The following VSTM2B variants were observed in gnomAD, a reference collection of about 807,000 sequenced individuals.
The protein encoded by VSTM2B is V-set and transmembrane domain-containing protein 2B.
A neutral mutation model predicts 24.0 loss-of-function variants in VSTM2B; 24 were observed. The ratio of observed to expected loss-of-function variants is 1.00; its 90% CI spans 0.72 to 1.40. The LOEUF is 1.40. Ranked by LOEUF, VSTM2B falls within the 40% of genes most tolerant of loss-of-function variation. VSTM2B has a pLI of 0.00. For synonymous variants in VSTM2B, 226 were observed against 194.4 expected, an observed-to-expected ratio of 1.16 and a Z score of -1.35; for missense variants, 399 against 416.4, an observed-to-expected ratio of 0.96 and a Z score of 0.36.
chr19:29,560,962 A>T, intron 4 of VSTM2B, among the ~76,000 whole-genome samples: 1 of 152,102 alleles, frequency 6.6e-6, no homozygotes, highest in East Asian at 1.9e-4. Context: ...CCTCATGCAG[A>T]TTATTTCTGT....
At chr19:29,561,377 A>C (rs879301120) in intron 4 of VSTM2B, among the ~76,000 whole-genome samples, 2 of 152,122 alleles carry the variant, frequency 1.3e-5, no homozygotes, top group African/African-American at 4.8e-5. Context: ...TAATCCCAGC[A>C]CTTTGGGAGG....
chr19:29,546,077 A>G (rs1970148275), intron 4 of VSTM2B, among the ~76,000 whole-genome samples: 1 of 152,082 alleles, frequency 6.6e-6, no homozygotes, highest in Non-Finnish European at 1.5e-5. Context: ...GGCAGGAAGT[A>G]GATAGATTCA....
chr19:29,528,283 C>G, intron 2 of VSTM2B, 150 bp from the exon 3 acceptor site: 1 of 934,856 alleles, frequency 1.1e-6, no homozygotes, highest in Non-Finnish European at 1.6e-6. Context: ...CTTGGAAAGC[C>G]GGACGTCCTT....
intron 4 of VSTM2B, among the ~76,000 whole-genome samples, chr19:29,531,422 G>A (rs898238539): frequency 2.6e-5 from 4 of 152,204 alleles, no homozygotes; most frequent in African/African-American, 9.6e-5. Context: ...TGGTCTTCCT[G>A]CAGGCTCCTG....
chr19:29,552,003 G>A (rs564601327), intron 4 of VSTM2B, among the ~76,000 whole-genome samples: 1 of 152,186 alleles, frequency 6.6e-6, no homozygotes, highest in Non-Finnish European at 1.5e-5. Flanking sequence ...CTGTCATTCT[G>A]GAAAGCAATG....
intron 4 of VSTM2B, among the ~76,000 whole-genome samples, chr19:29,539,235 A>G (rs1385499019): frequency 6.6e-6 from 1 of 152,168 alleles, no homozygotes; most frequent in Non-Finnish European, 1.5e-5. Context: ...CTGTGCTAAC[A>G]GGGCTCCTGG....
intron 4 of VSTM2B, among the ~76,000 whole-genome samples, chr19:29,544,180 T>C (rs1970089473): frequency 6.6e-6 from 1 of 151,592 alleles, no homozygotes; most frequent in Non-Finnish European, 1.5e-5. Context: ...AATATACAAA[T>C]AGTTTTCATA....
intron 4 of VSTM2B, among the ~76,000 whole-genome samples, chr19:29,555,069 T>A (rs960552613): frequency 3.3e-5 from 5 of 152,142 alleles, no homozygotes; most frequent in African/African-American, 9.7e-5. Flanking sequence ...ACCTGATACA[T>A]AGCTACAGAA....
Position 29,527,244 on chromosome 19 carries a change from T to C in VSTM2B, c.116T>C (p.Val39Ala). ...ACAGAAGTCCCCAAAGATGTGACAG[T>C]ACGGGAGGGAGACGACATCGAAATG... ...AFTEVPKDVT[V>A]REGDDIEMPC... is the part of the protein sequence containing the mutation. Residue 39 changes from valine (V) to alanine (A), a missense_variant, in exon 2 of 5, where the codon GTA becomes GCA. Physicochemically the swap from Val to Ala is moderately conservative, Grantham distance 64. Coordinates refer to ENST00000335523, the MANE Select transcript of VSTM2B (RefSeq NM_001146339.2). 1 of 1,549,810 alleles carries C rather than the reference T, an allele frequency of 6.5e-7. No homozygotes were observed. Among genetic ancestry groups the C allele is most frequent in the South Asian group, 1.2e-5 (1 of 83,832 alleles).
Position 29,528,477 on chromosome 19 carries a change from C to T in VSTM2B, c.297+15C>T, listed in dbSNP as rs1969641687. On this transcript the variant is annotated intron_variant, in intron 3 of 4. Coordinates refer to ENST00000335523, the MANE Select transcript of VSTM2B (RefSeq NM_001146339.2). ...CTAAAATCAGCGTAAGTGTGGAGCC[C>T]AGCGCGGGCCGCGGGAGACCCCTTC... 8.4e-6 allele frequency: 13 copies of T among 1,550,744 alleles called. No individual in the cohort carries two copies. Among genetic ancestry groups the T allele is most frequent in the Non-Finnish European group, 1.1e-5 (13 of 1,146,926 alleles).
At chr19:29,540,725 A>C (rs1229338536) in intron 4 of VSTM2B, among the ~76,000 whole-genome samples, 1 of 152,238 alleles carries the variant, frequency 6.6e-6, no homozygotes, top group Admixed American at 6.5e-5. Flanking sequence ...CTAGTCACTG[A>C]GGGCATAATG....
intron 4 of VSTM2B, among the ~76,000 whole-genome samples, chr19:29,555,632 G>C (rs914949445): frequency 1.3e-4 from 19 of 149,632 alleles, no homozygotes; most frequent in Non-Finnish European, 5.9e-5. Context: ...CTAGTTTTTT[G>C]AAAAAATTAA....
At chr19:29,543,693 C>A (rs1394232158) in intron 4 of VSTM2B, among the ~76,000 whole-genome samples, 1 of 152,192 alleles carries the variant, frequency 6.6e-6, no homozygotes, top group Non-Finnish European at 1.5e-5. Context: ...CCCAGGAGAT[C>A]CAAGGTACAC....
At chr19:29,533,636 C>T (rs931972924) in intron 4 of VSTM2B, among the ~76,000 whole-genome samples, 5 of 152,240 alleles carry the variant, frequency 3.3e-5, no homozygotes, top group Admixed American at 2.6e-4. Context: ...ATCCGAACAG[C>T]CTTGATGCCA....
At chr19:29,552,817 C>T (rs1970317084) in intron 4 of VSTM2B, among the ~76,000 whole-genome samples, 1 of 152,174 alleles carries the variant, frequency 6.6e-6, no homozygotes, top group Non-Finnish European at 1.5e-5. Flanking sequence ...GGAGGAATTC[C>T]CCACAGTGCA....
At chr19:29,543,210 A>G (rs1970065583) in intron 4 of VSTM2B, among the ~76,000 whole-genome samples, 1 of 152,236 alleles carries the variant, frequency 6.6e-6, no homozygotes, top group Non-Finnish European at 1.5e-5. Flanking sequence ...TACATTAAAG[A>G]CTAATGTAAC....
chr19:29,558,774 G>C (rs888505113), intron 4 of VSTM2B, among the ~76,000 whole-genome samples: 3 of 152,130 alleles, frequency 2.0e-5, no homozygotes, highest in Non-Finnish European at 2.9e-5. Flanking sequence ...TAATACCTAG[G>C]TGATGAGTTG....
intron 4 of VSTM2B, among the ~76,000 whole-genome samples, chr19:29,538,366 AC>A (rs1259934842): frequency 2.6e-5 from 4 of 152,162 alleles, no homozygotes; most frequent in African/African-American, 9.7e-5. Flanking sequence ...AGGGCCTGGC[AC>A]CTAGAATACA....
At chr19:29,536,617 CA>C (rs1174279948) in intron 4 of VSTM2B, among the ~76,000 whole-genome samples, 1 of 152,196 alleles carries the variant, frequency 6.6e-6, no homozygotes, top group African/African-American at 2.4e-5. Context: ...CTCCTTCCCA[CA>C]GTTCTCCCTA....
Sources: allele counts gnomAD v4.1 joint callset (sites outside exome capture counted in the v4.1 genomes callset), GRCh38; gene constraint gnomAD v4.1.1; transcripts MANE v1.5; gene names NCBI Gene and HGNC (gene_info 2026-07-23, HGNC 2026-07-21).